The following CD36 variants were observed in gnomAD, a reference collection of about 807,000 sequenced individuals.
The protein encoded by CD36 is CD36 molecule (CD36 blood group), also known as platelet glycoprotein 4.
In CD36, 119 loss-of-function variants were observed where a neutral mutation model predicts 55.2. The ratio of observed to expected loss-of-function variants is 2.15; its 90% CI spans 1.86 to 2.51. The LOEUF is 2.51. Ranked by LOEUF, CD36 falls within the 30% of genes most tolerant of loss-of-function variation. The pLI, the probability that CD36 is intolerant of heterozygous loss-of-function variation, is 0.00. For synonymous variants in CD36, 186 were observed against 193.6 expected (o/e 0.96, Z 0.33); for missense variants, 819 against 555.5 (o/e 1.47, Z -4.77).
chr7:80,610,408 T>C (rs1792812918), intron 1 of CD36, among the ~76,000 whole-genome samples: 2 of 152,150 alleles, frequency 1.3e-5, no homozygotes, highest in Non-Finnish European at 2.9e-5. Flanking sequence ...CCTAATATTA[T>C]GGTATTTTTA....
chr7:80,668,036 C>CACACCTGGCCAAGGCTTT (rs1797293702), intron 8 of CD36, among the ~76,000 whole-genome samples: 1 of 152,042 alleles, frequency 6.6e-6, no homozygotes, highest in African/African-American at 2.4e-5. Flanking sequence ...CTTGAGCCAC[C>CACACCTGGCCAAGGCTTT]ACACCTGGCC....
chr7:80,659,882 A>G (rs573938598), intron 4 of CD36, among the ~76,000 whole-genome samples: 10 of 152,224 alleles, frequency 6.6e-5, no homozygotes, highest in African/African-American at 2.2e-4. Context: ...ATAAAATTAT[A>G]TTAAAAATAT....
chr7:80,636,142 A>C (rs181674251), upstream of CD36, among the ~76,000 whole-genome samples: 1,096 of 152,200 alleles, frequency 7.2e-3, 14 homozygotes, highest in African/African-American at 0.025. Flanking sequence ...CGATGGTGAT[A>C]AGTGACCTGT....
At position 80,677,981 on chromosome 7, in the gene CD36, GA is replaced by G. The variant is rs1471995893; in HGVS notation, c.*1601del. 2.0e-5 allele frequency: 3 copies of G among 151,986 alleles called. No individual in the cohort carries two copies. Among genetic ancestry groups the G allele is most frequent in the Non-Finnish European group, 4.4e-5 (3 of 67,988 alleles). The allele number at this position is 151,986 out of a possible 1,614,324, so 9.4% of individuals were successfully genotyped here. A position where few individuals can be genotyped will look rare whatever the true frequency, so the allele number is the denominator to read the frequency against. On this transcript the variant is annotated 3_prime_UTR_variant, in exon 15 of 15. Coordinates refer to ENST00000447544, the MANE Select transcript of CD36 (RefSeq NM_001001548.3). ...AAATTCTGTAAAAGGAATATAAGAG[GA>G]AAGACAATTCATATACAAAGACAAC...
At chr7:80,625,325 CTTGTA>C (rs1288171121) in intron 1 of CD36, among the ~76,000 whole-genome samples, 2 of 152,086 alleles carry the variant, frequency 1.3e-5, no homozygotes, top group African/African-American at 4.8e-5. Flanking sequence ...TTTATTTGGA[CTTGTA>C]TTGTGATACA....
At chr7:80,663,218 AT>A (rs756813190) in intron 6 of CD36, 49 bp downstream of exon 6, 117 of 1,427,936 alleles carry the variant, frequency 8.2e-5, no homozygotes, top group Non-Finnish European at 6.3e-5. Context: ...AATTTAATTA[AT>A]TCAATGGCAT....
chr7:80,647,199 T>G lies in CD36; in HGVS notation c.120+339T>G, dbSNP rs555719143. On this transcript the variant is annotated intron_variant, in intron 3 of 14. Coordinates refer to ENST00000447544, the MANE Select transcript of CD36 (RefSeq NM_001001548.3). Reference sequence around the variant, plus strand: ...TTGAGTAGGAAATAAGTGAGTATATTTTGTAAAAGCACATTTATAAAAGAA... The same window carrying G: ...TTGAGTAGGAAATAAGTGAGTATATGTTGTAAAAGCACATTTATAAAAGAA... 18 of 283,010 alleles carry G rather than the reference T, an allele frequency of 6.4e-5. No individual in the cohort carries two copies. The East Asian group carries it at 1.5e-3, about 24-fold the overall frequency. The allele number at this position is 283,010 out of a possible 1,614,324, so 17.5% of individuals were successfully genotyped here. A position where few individuals can be genotyped will look rare whatever the true frequency, so the allele number is the denominator to read the frequency against.
chr7:80,631,003 A>G (rs1036047521), intron 1 of CD36, among the ~76,000 whole-genome samples: 5 of 152,094 alleles, frequency 3.3e-5, no homozygotes, highest in Non-Finnish European at 7.4e-5. Flanking sequence ...GCATACCTAC[A>G]TAACACAGCT....
At chr7:80,670,103 A>C (rs1797514225) in intron 9 of CD36, 81 bp downstream of exon 9, 1 of 847,620 alleles carries the variant, frequency 1.2e-6, no homozygotes, top group Non-Finnish European at 2.0e-6. Context: ...TAAACACAGC[A>C]TAGGAAATTC....
At chr7:80,665,321 TTG>T (rs1274704885) in intron 7 of CD36, among the ~76,000 whole-genome samples, 1 of 146,596 alleles carries the variant, frequency 6.8e-6, no homozygotes, top group Non-Finnish European at 1.5e-5. Context: ...AAATTAACAA[TTG>T]TGTGTTTGAC....
intron 3 of CD36, among the ~76,000 whole-genome samples, chr7:80,653,157 T>C (rs1247316420): frequency 6.6e-6 from 1 of 152,178 alleles, no homozygotes; most frequent in African/African-American, 2.4e-5. Context: ...AAGAAGCCAC[T>C]ATACCTTGTT....
chr7:80,657,379 T>A (rs555248793), intron 4 of CD36, among the ~76,000 whole-genome samples: 2 of 152,382 alleles, frequency 1.3e-5, no homozygotes, highest in African/African-American at 4.8e-5. Context: ...GATGTTTACA[T>A]TGATCTATTT....
intron 7 of CD36, 80 bp downstream of exon 7, chr7:80,664,577 G>C: frequency 1.2e-6 from 1 of 829,070 alleles, no homozygotes; most frequent in East Asian, 2.5e-5. Flanking sequence ...CATCTCATAA[G>C]ACATAGGCAT....
At chr7:80,603,772 A>AAAAAAG (rs1554330257) in intron 1 of CD36, among the ~76,000 whole-genome samples, 2 of 140,946 alleles carry the variant, frequency 1.4e-5, no homozygotes, top group African/African-American at 5.7e-5. Flanking sequence ...AGTCAGGCAA[A>AAAAAAG]AAAAAAAAAA....
At chr7:80,634,667 G>A (rs1440318121), upstream of CD36, among the ~76,000 whole-genome samples, 1 of 152,024 alleles carries the variant, frequency 6.6e-6, no homozygotes, top group South Asian at 2.1e-4. Context: ...TCTCAAATAT[G>A]TTGCAATATT....
At chr7:80,660,706 G>C (rs756488514) in intron 4 of CD36, among the ~76,000 whole-genome samples, 13 of 152,160 alleles carry the variant, frequency 8.5e-5, no homozygotes, top group Middle Eastern at 3.4e-3. Context: ...AACTAAACTT[G>C]TATTTGTTAC....
At chr7:80,648,219 T>C (rs577191902) in intron 3 of CD36, among the ~76,000 whole-genome samples, 52 of 152,256 alleles carry the variant, frequency 3.4e-4, no homozygotes, top group African/African-American at 1.2e-3. Flanking sequence ...GGAGTGGCCA[T>C]TGATCTGACA....
At chr7:80,616,310 G>A (rs1445654901) in intron 1 of CD36, among the ~76,000 whole-genome samples, 2 of 152,064 alleles carry the variant, frequency 1.3e-5, no homozygotes, top group African/African-American at 4.8e-5. Context: ...ACTATGTCAT[G>A]TAATTAATCA....
upstream of CD36, among the ~76,000 whole-genome samples, chr7:80,634,325 C>T (rs1325187169): frequency 6.6e-6 from 1 of 152,028 alleles, no homozygotes; most frequent in Non-Finnish European, 1.5e-5. Flanking sequence ...CCCATTCAAT[C>T]TAGAATTACA....
Sources: allele counts gnomAD v4.1 joint callset (sites outside exome capture counted in the v4.1 genomes callset), GRCh38; gene constraint gnomAD v4.1.1; transcripts MANE v1.5; gene names NCBI Gene and HGNC (gene_info 2026-07-23, HGNC 2026-07-21).